Variants in GGNBP2 observed in about 807,000 individuals in gnomAD.
The protein encoded by GGNBP2 is gametogenetin binding protein 2, also known as gametogenetin-binding protein 2.
Under a neutral mutation model 85.9 loss-of-function variants are expected in GGNBP2, and 10 were observed. The observed-to-expected ratio is 0.12, with a 90% CI of 0.07 to 0.20. The LOEUF is 0.20. GGNBP2 is among the 10% of genes least tolerant of loss of function. The pLI is 1.00. For synonymous variants in GGNBP2, 287 were observed against 285.7 expected (o/e 1.00, Z -0.05); for missense variants, 595 against 857.8 (o/e 0.69, Z 3.83).
chr17:36,556,754 T>G (rs910678680), intron 3 of GGNBP2, among the ~76,000 whole-genome samples: 1 of 106,968 alleles, frequency 9.3e-6, no homozygotes, highest in Non-Finnish European at 1.8e-5. Flanking sequence ...TATTGTGCTT[T>G]TTTTTTTTTT....
chr17:36,553,698 A>G (rs986773848), intron 2 of GGNBP2, among the ~76,000 whole-genome samples: 1 of 152,180 alleles, frequency 6.6e-6, no homozygotes, highest in African/African-American at 2.4e-5. Flanking sequence ...ATCTTTAACA[A>G]TGTTTTAGTT....
intron 6 of GGNBP2, chr17:36,576,593 A>ATGTG (rs1401978308): frequency 1.2e-3 from 57 of 46,020 alleles, no homozygotes; most frequent in East Asian, 3.2e-3. Context: ...AAATATATAT[A>ATGTG]TATGTGTGTG....
chr17:36,556,751 CTTTTTTTTTTTT>C (rs10544073), intron 3 of GGNBP2, among the ~76,000 whole-genome samples: 27 of 52,852 alleles, frequency 5.1e-4, no homozygotes, highest in African/African-American at 1.3e-3. Flanking sequence ...CTGTATTGTG[CTTTTTTTTTTTT>C]TTTTTTTTTT....
chr17:36,546,115 C>G, intron 2 of GGNBP2: 1 of 436,236 alleles, frequency 2.3e-6, no homozygotes, highest in East Asian at 3.3e-5. Flanking sequence ...GCACACATCT[C>G]AGAGAGGGGT....
chr17:36,572,243 T>G (rs2074533209), intron 6 of GGNBP2, among the ~76,000 whole-genome samples: 1 of 152,250 alleles, frequency 6.6e-6, no homozygotes, highest in African/African-American at 2.4e-5. Flanking sequence ...GTTTTATTAT[T>G]GTTCTCTTTG....
At chr17:36,580,119 A>G (rs1435399665) in intron 8 of GGNBP2, among the ~76,000 whole-genome samples, 2 of 152,090 alleles carry the variant, frequency 1.3e-5, no homozygotes, top group African/African-American at 4.8e-5. Flanking sequence ...AGTGAGTTTC[A>G]TTTTGCCTGC....
Position 36,577,900 on chromosome 17 carries a change from T to C in GGNBP2, c.642-83T>C, listed in dbSNP as rs552689687. On this transcript the variant is annotated intron_variant, in intron 6 of 13. Transcript: ENST00000613102. ...TTTGGATGCTGTAGATGGGAGAGAG[T>C]GCCATCATCTAGTACACTGTTATAT... 1.0e-4 allele frequency: 103 copies of C among 1,007,620 alleles called. No homozygotes were observed. In the African/African-American group the frequency reaches 1.1e-3, roughly 11 times the overall value. 62.4% of individuals were successfully genotyped at this position (1,007,620 alleles called of 1,614,324 possible). A position where few individuals can be genotyped will look rare whatever the true frequency, so the allele number is the denominator to read the frequency against.
chr17:36,546,268 AATT>A, intron 2 of GGNBP2: 1 of 283,182 alleles, frequency 3.5e-6, no homozygotes, highest in Non-Finnish European at 6.6e-6. Context: ...ACATAAGCTT[AATT>A]ACTGGGGGCA....
At position 36,556,851 on chromosome 17, in the gene GGNBP2, C is replaced by G. The variant is rs2074367100; in HGVS notation, c.175-232C>G. On this transcript the variant is annotated intron_variant, in intron 3 of 13. Transcript: ENST00000613102. Reference sequence around the variant, plus strand: ...AGATGCAGTACTGCTTTTTGGCATCCTAAGCAGAGTTGTTTATATACCCTA... The same window carrying G: ...AGATGCAGTACTGCTTTTTGGCATCGTAAGCAGAGTTGTTTATATACCCTA... 2.2e-5 allele frequency among the ~76,000 whole-genome samples: 3 copies of G among 134,410 alleles called. No homozygotes were observed. The Admixed American group carries it at 2.6e-4, about 12-fold the overall frequency. 88.2% of individuals were successfully genotyped at this position (134,410 alleles called of 152,430 possible).
intron 2 of GGNBP2, chr17:36,546,514 A>G (rs1266919650): frequency 6.6e-6 from 1 of 151,998 alleles, no homozygotes; most frequent in East Asian, 1.9e-4. Context: ...GCTCATCTTG[A>G]GTGTCAAGAC....
chr17:36,588,956 A>AG (rs149686476), intron 13 of GGNBP2, among the ~76,000 whole-genome samples: 11,008 of 152,274 alleles, frequency 0.072, 683 homozygotes, highest in African/African-American at 0.16. Flanking sequence ...GTATGGTGGT[A>AG]GTTTGCTAGG....
intron 2 of GGNBP2, among the ~76,000 whole-genome samples, chr17:36,553,684 T>C (rs1457302899): frequency 6.6e-6 from 1 of 152,220 alleles, no homozygotes; most frequent in African/African-American, 2.4e-5. Flanking sequence ...GTACGATATG[T>C]TTGATCTTTA....
At chr17:36,570,984 C>T (rs769326092) in intron 6 of GGNBP2, among the ~76,000 whole-genome samples, 28 of 152,162 alleles carry the variant, frequency 1.8e-4, no homozygotes, top group Non-Finnish European at 7.3e-5. Flanking sequence ...TGTGCTACTG[C>T]ACTCAAGCCT....
At chr17:36,556,943 T>C in intron 3 of GGNBP2, 140 bp from the exon 4 acceptor site, 1 of 918,488 alleles carries the variant, frequency 1.1e-6, no homozygotes, top group Non-Finnish European at 1.7e-6. Flanking sequence ...CTACTTTGCC[T>C]TTCTGACTCA....
At position 36,585,921 on chromosome 17, in the gene GGNBP2, C is replaced by T. The variant is rs1441008473; in HGVS notation, c.1448C>T (p.Ser483Leu). 1.9e-6 allele frequency: 3 copies of T among 1,614,060 alleles called. No homozygotes were observed. The highest frequency in any genetic ancestry group is 2.5e-6 in the Non-Finnish European group (3 of 1,179,976). Residue 483 changes from serine (S) to leucine (L), a missense_variant, in exon 11 of 14, where the codon TCG becomes TTG. Ser to Leu is a moderately radical substitution (Grantham distance 145). This residue lies in a region of GGNBP2 where 35 missense variants were observed against 49.6 expected (regional missense o/e 0.71). Coordinates refer to ENST00000613102, the MANE Select transcript of GGNBP2 (RefSeq NM_024835.5). ...AGTGAAACAGGTTCTCGGGAGGGTT[C>T]GGATGTTGCCTGCACTGAAGGCATT... Reference protein sequence around the residue: ...EGSETGSREGSDVACTEGICN... With the variant: ...EGSETGSREGLDVACTEGICN...
At chr17:36,584,826 CT>C in intron 9 of GGNBP2, among the ~76,000 whole-genome samples, 1 of 151,936 alleles carries the variant, frequency 6.6e-6, no homozygotes, top group African/African-American at 2.4e-5. Flanking sequence ...TGGTGGTGTG[CT>C]TCTGTAGTCC....
At chr17:36,586,852 C>T in intron 12 of GGNBP2, 145 bp from the exon 13 acceptor site, 2 of 740,082 alleles carry the variant, frequency 2.7e-6, no homozygotes, top group South Asian at 1.9e-5. Flanking sequence ...CACTTGACCT[C>T]AGGTGATCCA....
At chr17:36,588,127 T>C (rs2074721049) in intron 13 of GGNBP2, among the ~76,000 whole-genome samples, 1 of 152,214 alleles carries the variant, frequency 6.6e-6, no homozygotes, top group African/African-American at 2.4e-5. Context: ...ACTCCAGTCC[T>C]GAGACTTTTT....
intron 6 of GGNBP2, among the ~76,000 whole-genome samples, chr17:36,575,648 A>ATATATATATATATATATATATTTT (rs374366757): frequency 5.5e-5 from 3 of 54,914 alleles, no homozygotes; most frequent in Non-Finnish European, 8.6e-5. Flanking sequence ...ATATATATAT[A>ATATATATATATATATATATATTTT]TTTTTTTTTT....
Sources: allele counts gnomAD v4.1 joint callset (sites outside exome capture counted in the v4.1 genomes callset), GRCh38; gene constraint gnomAD v4.1.1; regional missense constraint gnomAD v4.1.1; transcripts MANE v1.5; gene names NCBI Gene and HGNC (gene_info 2026-07-23, HGNC 2026-07-21).